Variants in CIPC observed in about 807,000 individuals in gnomAD.
CIPC encodes CLOCK interacting pacemaker, also known as CLOCK-interacting pacemaker.
CIPC carries 12 observed loss-of-function variants against 26.7 expected under a neutral mutation model. That is an observed-to-expected ratio of 0.45 (90% CI 0.29 to 0.73). The LOEUF (loss-of-function observed/expected upper bound fraction) is 0.73. Ranked by LOEUF, CIPC falls within the 30% of genes least tolerant of loss-of-function variation. The probability of loss-of-function intolerance (pLI) is 0.12; values close to 1 mark genes in which losing one functional copy is unlikely to be tolerated. For synonymous variants in CIPC, 170 were observed against 189.8 expected, an observed-to-expected ratio of 0.90 and a Z score of 0.86; for missense variants, 417 against 486.5, an observed-to-expected ratio of 0.86 and a Z score of 1.34.
chr14:77,109,981 G>C lies in CIPC; in HGVS notation c.306G>C (p.Gln102His). The stretch of plus-strand genomic sequence containing the variant: ...TCATGAAGAATGTGCTTGTCAAACA[G>C]GTGAGGAGGACTAATATCACCTAAA... ...MVVMKNVLVK[Q>H]GSSSSQLQSW... The change falls in exon 3 of 4, where the codon CAG becomes CAC. Residue 102 changes from glutamine (Q) to histidine (H), a missense_variant and splice_region_variant. Coordinates refer to ENST00000361786, the MANE Select transcript of CIPC (RefSeq NM_033426.3). 1 of 1,614,002 alleles carries C rather than the reference G, an allele frequency of 6.2e-7. No homozygotes were observed. Among genetic ancestry groups the C allele is most frequent in the East Asian group, 2.2e-5 (1 of 44,884 alleles).
intron 2 of CIPC, 40 bp from the exon 3 acceptor site, chr14:77,109,772 T>C (rs756574619): frequency 2.2e-5 from 35 of 1,583,082 alleles, no homozygotes; most frequent in Non-Finnish European, 2.6e-5. Context: ...GAGCCCCTAG[T>C]CTAGAGCCTG....
At chr14:77,104,353 C>T (rs1403542796) in intron 1 of CIPC, among the ~76,000 whole-genome samples, 4 of 152,208 alleles carry the variant, frequency 2.6e-5, no homozygotes, top group Non-Finnish European at 5.9e-5. Context: ...CGCCACTGCA[C>T]TGCAGCCTGG....
Position 77,113,412 on chromosome 14 carries a change from C to A in CIPC, c.307-13C>A, listed in dbSNP as rs1160157357. 5 of 1,613,854 alleles carry A rather than the reference C, an allele frequency of 3.1e-6. No homozygotes were observed. The East Asian group carries it at 1.1e-4, about 36-fold the overall frequency. On this transcript the variant is annotated splice_polypyrimidine_tract_variant and intron_variant, in intron 3 of 3. Coordinates refer to ENST00000361786, the MANE Select transcript of CIPC (RefSeq NM_033426.3). ...GTAATGAGTAGTGTGCTGCTCTCCT[C>A]CTTTGTCTTCAGGGCAGCAGCTCAT... is the stretch of plus-strand genomic sequence containing the variant.
At chr14:77,106,855 T>C (rs1173871486) in intron 2 of CIPC, among the ~76,000 whole-genome samples, 1 of 152,236 alleles carries the variant, frequency 6.6e-6, no homozygotes, top group East Asian at 1.9e-4. Flanking sequence ...TAAAAGGAAT[T>C]AGTTGCCCTG....
At chr14:77,102,259 G>C (rs906620235) in intron 1 of CIPC, among the ~76,000 whole-genome samples, 1 of 152,082 alleles carries the variant, frequency 6.6e-6, no homozygotes, top group South Asian at 2.1e-4. Context: ...ATCTGCTATC[G>C]GACAAGACAG....
At position 77,114,425 on chromosome 14, in the gene CIPC, A is replaced by C; in HGVS notation, c.*107A>C. Reference sequence around the variant, plus strand: ...TAAGAGCTTTTCCTTCTAAACTTAAACTGTGTTGTGGTTCACTTAGGAAGC... The same window carrying C: ...TAAGAGCTTTTCCTTCTAAACTTAACCTGTGTTGTGGTTCACTTAGGAAGC... On this transcript the variant is annotated 3_prime_UTR_variant, in exon 4 of 4. Coordinates refer to ENST00000361786, the MANE Select transcript of CIPC (RefSeq NM_033426.3). 1 of 1,257,502 alleles carries C rather than the reference A, an allele frequency of 8.0e-7. No individual in the cohort carries two copies. Among genetic ancestry groups the C allele is most frequent in the Non-Finnish European group, 1.1e-6 (1 of 902,838 alleles). 77.9% of individuals were successfully genotyped at this position (1,257,502 alleles called of 1,614,324 possible). A position where few individuals can be genotyped will look rare whatever the true frequency, so the allele number is the denominator to read the frequency against.
chr14:77,105,538 CTG>C (rs1886574357), intron 1 of CIPC, 117 bp from the exon 2 acceptor site: 1 of 609,056 alleles, frequency 1.6e-6, no homozygotes, highest in Non-Finnish European at 2.7e-6. Context: ...GTTGAAACCT[CTG>C]AGAAAATAAA....
intron 2 of CIPC, 148 bp downstream of exon 2, chr14:77,105,992 C>T: frequency 1.2e-6 from 1 of 850,930 alleles, no homozygotes; most frequent in Non-Finnish European, 1.7e-6. Flanking sequence ...ATTCTGATGC[C>T]ATATGTCAGG....
intron 1 of CIPC, chr14:77,099,296 A>T (rs1886427512): frequency 6.6e-6 from 1 of 152,268 alleles, no homozygotes; most frequent in Non-Finnish European, 1.5e-5. Flanking sequence ...AAATAGAGCC[A>T]AACTGGTCTA....
chr14:77,109,495 G>C (rs953759288), intron 2 of CIPC, among the ~76,000 whole-genome samples: 2 of 152,098 alleles, frequency 1.3e-5, no homozygotes, highest in African/African-American at 4.8e-5. Context: ...TTGAAACCTT[G>C]AACTCATTTC....
Position 77,114,219 on chromosome 14 carries a change from G to A in CIPC, c.1101G>A (p.Arg367=), listed in dbSNP as rs753016477. Residue 367 remains arginine (R), a synonymous_variant, in exon 4 of 4, where the codon AGG becomes AGA. Transcript: ENST00000361786. ...TQLFIEATKS[R]APQAWAKLQA... ...TGTTTATAGAAGCCACCAAGAGCAG[G>A]GCCCCTCAGGCTTGGGCCAAGCTGC... The A allele has an allele frequency of 2.5e-6, 4 of 1,613,922 alleles. No individual in the cohort carries two copies. The African/African-American group carries it at 5.3e-5, about 22-fold the overall frequency.
In CIPC at chr14:77,116,059, A is replaced by G. The variant is rs1886807709; in HGVS notation, c.*1741A>G. The G allele has an allele frequency of 6.6e-6, 1 of 152,234 alleles. No homozygotes were observed. Among genetic ancestry groups the G allele is most frequent in the Non-Finnish European group, 1.5e-5 (1 of 68,038 alleles). 9.4% of individuals were successfully genotyped at this position (152,234 alleles called of 1,614,324 possible). On this transcript the variant is annotated 3_prime_UTR_variant, in exon 4 of 4. Transcript: ENST00000361786. ...AATATGACATTTCCTAGGTAGTTGT[A>G]ACTCTAACATAGTTTAAAAAGTATG...
intron 2 of CIPC, among the ~76,000 whole-genome samples, chr14:77,107,658 A>ACACTCT (rs1287077545): frequency 5.5e-5 from 8 of 145,156 alleles, no homozygotes; most frequent in African/African-American, 2.2e-4. Context: ...ACACACACAC[A>ACACTCT]CTCTCTCTCT....
At chr14:77,098,837 G>A (rs1886415673) in intron 1 of CIPC, 1 of 152,694 alleles carries the variant, frequency 6.5e-6, no homozygotes, top group African/African-American at 2.4e-5. Flanking sequence ...CTTTTCCAGA[G>A]ACCTGCCGTC....
rs971365534 is a variant in CIPC at position 77,102,050 on chromosome 14, C to T, written c.-52-3607C>T. Among the ~76,000 whole-genome samples the T allele has an allele frequency of 4.6e-5, 7 of 152,114 alleles. 1 individual carries two copies. The highest frequency in any genetic ancestry group is 4.2e-4 in the South Asian group (2 of 4,818). On this transcript the variant is annotated intron_variant, in intron 1 of 3. Transcript: ENST00000361786. ...GCAGTTAGCTGTGATCGTGCCACTG[C>T]GCTCTAGCCTGAGCAACAGCGTGTG... is the stretch of plus-strand genomic sequence containing the variant.
intron 2 of CIPC, chr14:77,106,155 T>G (rs2140029145): frequency 5.3e-6 from 1 of 190,334 alleles, no homozygotes; most frequent in Admixed American, 6.0e-5. Context: ...ACTTCCTTTT[T>G]CACAGGAATT....
chr14:77,098,990 C>T (rs543263208), intron 1 of CIPC: 1 of 152,530 alleles, frequency 6.6e-6, no homozygotes, highest in East Asian at 1.9e-4. Flanking sequence ...TGATCCCGGC[C>T]CAGGTCACAG....
At chr14:77,099,918 C>G (rs904003465) in intron 1 of CIPC, 1 of 152,140 alleles carries the variant, frequency 6.6e-6, no homozygotes, top group South Asian at 2.1e-4. Flanking sequence ...TTAAGGTGAC[C>G]GTGGTGTTTG....
chr14:77,100,085 A>G (rs1343685164), intron 1 of CIPC: 1 of 152,204 alleles, frequency 6.6e-6, no homozygotes, highest in East Asian at 1.9e-4. Context: ...GCAAAGATGA[A>G]AAAAACAACT....
Sources: gnomAD v4.1 joint callset for allele counts (sites outside exome capture counted in the v4.1 genomes callset) on GRCh38, gnomAD v4.1.1 for gene constraint, MANE v1.5 for transcripts, NCBI Gene and HGNC (gene_info 2026-07-23, HGNC 2026-07-21) for gene names.